Variants in MLLT3 observed in about 807,000 individuals in gnomAD.
MLLT3 encodes the protein MLLT3 super elongation complex subunit, also known as protein AF-9.
Under a neutral mutation model 53.2 loss-of-function variants are expected in MLLT3, and 4 were observed. The ratio of observed to expected loss-of-function variants is 0.08; its 90% CI spans 0.04 to 0.17. The LOEUF (loss-of-function observed/expected upper bound fraction) is 0.17, where lower values mean the gene tolerates loss of function less well. MLLT3 is among the 10% of genes least tolerant of loss of function. The pLI, the probability that MLLT3 is intolerant of heterozygous loss-of-function variation, is 1.00. For missense variants in MLLT3, 569 were observed against 684.0 expected, an observed-to-expected ratio of 0.83 and a Z score of 1.87; for synonymous variants, 283 against 230.6, an observed-to-expected ratio of 1.23 and a Z score of -2.06.
At chr9:20,612,218 G>C (rs1820720286) in intron 2 of MLLT3, among the ~76,000 whole-genome samples, 2 of 152,134 alleles carry the variant, frequency 1.3e-5, no homozygotes, top group Admixed American at 6.5e-5. Flanking sequence ...CTACATGCAA[G>C]ATTGCTCCAC....
chr9:20,348,973 A>G (rs1468585424), intron 10 of MLLT3, among the ~76,000 whole-genome samples: 1 of 152,232 alleles, frequency 6.6e-6, no homozygotes, highest in Non-Finnish European at 1.5e-5. Flanking sequence ...GTGCAAAAAT[A>G]CTATGAATCT....
intron 5 of MLLT3, among the ~76,000 whole-genome samples, chr9:20,384,580 T>C (rs1309102732): frequency 6.6e-6 from 1 of 152,100 alleles, no homozygotes; most frequent in Non-Finnish European, 1.5e-5. Flanking sequence ...TAAAATTTAA[T>C]ATAATCTAAC....
In MLLT3 at chr9:20,620,583, C is replaced by A; in HGVS notation, c.193+71G>T. 2.8e-6 allele frequency: 4 copies of A among 1,454,286 alleles called. No homozygotes were observed. Among genetic ancestry groups the A allele is most frequent in the Non-Finnish European group, 3.7e-6 (4 of 1,070,882 alleles). The allele number at this position is 1,454,286 out of a possible 1,614,324, so 90.1% of individuals were successfully genotyped here. A position where few individuals can be genotyped will look rare whatever the true frequency, so the allele number is the denominator to read the frequency against. On this transcript the variant is annotated intron_variant, in intron 2 of 10. Transcript: ENST00000380338. This position sits in a 1 kb window ranked among gnomAD's most constrained non-coding sequence, Gnocchi z 6.1. Reference sequence around the variant, plus strand: ...GCGCGGGGGGCGGGGAGCGGGACAGCGGGACCGCCCGGGCCAAGCGATTGT... The same window carrying A: ...GCGCGGGGGGCGGGGAGCGGGACAGAGGGACCGCCCGGGCCAAGCGATTGT...
intron 2 of MLLT3, among the ~76,000 whole-genome samples, chr9:20,608,177 T>C (rs2519455): frequency 0.81 from 122,684 of 151,304 alleles, 49,929 homozygotes; most frequent in Middle Eastern, 0.86. Flanking sequence ...GATGCACACA[T>C]TGGAATTGAG....
At chr9:20,418,082 C>G (rs1822917303) in intron 4 of MLLT3, among the ~76,000 whole-genome samples, 1 of 152,126 alleles carries the variant, frequency 6.6e-6, no homozygotes, top group Admixed American at 6.5e-5. Flanking sequence ...TAAACTCTCC[C>G]AGAAGAGTTT....
intron 2 of MLLT3, among the ~76,000 whole-genome samples, chr9:20,583,603 C>T (rs975426427): frequency 6.6e-6 from 1 of 152,188 alleles, no homozygotes; most frequent in African/African-American, 2.4e-5. Flanking sequence ...AAACCTCAAT[C>T]CTTGACTTCT....
chr9:20,611,519 AT>A (rs1820702271), intron 2 of MLLT3, among the ~76,000 whole-genome samples: 1 of 152,146 alleles, frequency 6.6e-6, no homozygotes, highest in South Asian at 2.1e-4. Context: ...AAAATCAAAT[AT>A]TTTAAAATAG....
chr9:20,537,117 T>C (rs1818509686), intron 2 of MLLT3, among the ~76,000 whole-genome samples: 1 of 152,240 alleles, frequency 6.6e-6, no homozygotes, highest in African/African-American at 2.4e-5. Context: ...TGTTTCAACA[T>C]ATGCATTCAT....
At position 20,523,831 on chromosome 9, in the gene MLLT3, C is replaced by T. The variant is rs970933862; in HGVS notation, c.194-67045G>A. 3.3e-5 allele frequency among the ~76,000 whole-genome samples: 5 copies of T among 151,936 alleles called. No homozygotes were observed. In the South Asian group the frequency reaches 6.2e-4, roughly 19 times the overall value. Reference sequence around the variant, plus strand: ...AAAAAAAATACAAAAATTTGCCAGGCATTGTGGAGTGTGCCTATAGTCCCA... The same window carrying T: ...AAAAAAAATACAAAAATTTGCCAGGTATTGTGGAGTGTGCCTATAGTCCCA... On this transcript the variant is annotated intron_variant, in intron 2 of 10. Transcript: ENST00000380338.
intron 2 of MLLT3, among the ~76,000 whole-genome samples, chr9:20,458,624 T>C (rs914969221): frequency 2.6e-5 from 4 of 152,124 alleles, no homozygotes; most frequent in Admixed American, 2.6e-4. Flanking sequence ...CCTTCCTCTA[T>C]GTGAGGACAT....
intron 4 of MLLT3, among the ~76,000 whole-genome samples, chr9:20,418,603 A>G (rs969565668): frequency 6.6e-6 from 1 of 152,104 alleles, no homozygotes; most frequent in African/African-American, 2.4e-5. Flanking sequence ...TTGACCCAAA[A>G]GAGTTTATTT....
chr9:20,426,991 C>G (rs186810672), intron 4 of MLLT3, among the ~76,000 whole-genome samples: 1 of 152,134 alleles, frequency 6.6e-6, no homozygotes. Context: ...TCAACAGAAA[C>G]CAAGAAGAAG....
At chr9:20,562,881 T>C (rs1020057156) in intron 2 of MLLT3, among the ~76,000 whole-genome samples, 2 of 152,054 alleles carry the variant, frequency 1.3e-5, no homozygotes, top group East Asian at 1.9e-4. Context: ...CTAATCAGAG[T>C]TGTGAAATCT....
intron 4 of MLLT3, among the ~76,000 whole-genome samples, chr9:20,443,001 G>T (rs896349685): frequency 3.3e-5 from 5 of 152,046 alleles, no homozygotes; most frequent in Non-Finnish European, 5.9e-5. Flanking sequence ...GCTGTGGTTA[G>T]TTTTAATTTT....
chr9:20,512,119 C>T (rs193114119), intron 2 of MLLT3, among the ~76,000 whole-genome samples: 1 of 152,276 alleles, frequency 6.6e-6, no homozygotes, highest in East Asian at 1.9e-4. Context: ...CAAAAGTATT[C>T]CTTTAATAAA....
chr9:20,437,844 T>C (rs181595504), intron 4 of MLLT3, among the ~76,000 whole-genome samples: 8 of 152,284 alleles, frequency 5.3e-5, no homozygotes, highest in African/African-American at 1.9e-4. Context: ...AAAAAAACAA[T>C]AAATAACTAT....
chr9:20,396,655 A>C (rs867275152), intron 5 of MLLT3, among the ~76,000 whole-genome samples: 1 of 152,142 alleles, frequency 6.6e-6, no homozygotes, highest in Non-Finnish European at 1.5e-5. Context: ...TATTTACAGG[A>C]GCACACAAGT....
At chr9:20,369,485 A>C (rs1374466422) in intron 5 of MLLT3, among the ~76,000 whole-genome samples, 1 of 152,176 alleles carries the variant, frequency 6.6e-6, no homozygotes, top group Non-Finnish European at 1.5e-5. Flanking sequence ...ATTGCCACTT[A>C]ATGAAAACAT....
rs138173117 is a variant in MLLT3 at position 20,602,665 on chromosome 9, C to T, written c.193+17989G>A. 6.2e-3 allele frequency among the ~76,000 whole-genome samples: 943 copies of T among 152,006 alleles called. 16 individuals are homozygous for T. Among genetic ancestry groups the T allele is most frequent in the African/African-American group, 0.022 (912 of 41,462 alleles). On this transcript the variant is annotated intron_variant, in intron 2 of 10. Transcript: ENST00000380338. ...AGTAAATGTTAAGTCCTCATAGAGA[C>T]ACTTAGAATTTGGCATCTTGGAGGA...
Sources: gnomAD v4.1 joint callset for allele counts (sites outside exome capture counted in the v4.1 genomes callset) on GRCh38, gnomAD v4.1.1 for gene constraint, Gnocchi (gnomAD v3.1) non-coding constraint, MANE v1.5 for transcripts, NCBI Gene and HGNC (gene_info 2026-07-23, HGNC 2026-07-21) for gene names.